ABI2: variants seen among roughly 807,000 people sequenced by gnomAD.
The protein encoded by ABI2 is abelson interactor 2.
In ABI2, 25 loss-of-function variants were observed where a neutral mutation model predicts 59.2. The ratio of observed to expected loss-of-function variants is 0.42; its 90% CI spans 0.31 to 0.59. The LOEUF (loss-of-function observed/expected upper bound fraction) is 0.59. Among genes scored for constraint, ABI2 ranks in the 20% least tolerant of loss-of-function variants. The pLI is 0.14. For synonymous variants in ABI2, 213 were observed against 235.5 expected, an observed-to-expected ratio of 0.90 and a Z score of 0.87; for missense variants, 545 against 681.8, an observed-to-expected ratio of 0.80 and a Z score of 2.23.
chr2:203,395,510 T>G, intron 6 of ABI2, 146 bp from the exon 7 acceptor site: 1 of 698,748 alleles, frequency 1.4e-6, no homozygotes, highest in Non-Finnish European at 2.1e-6. Context: ...GTCACTGACT[T>G]GGAGCTCAAG....
chr2:203,420,178 A>G (rs2098134191), intron 11 of ABI2, among the ~76,000 whole-genome samples: 1 of 152,226 alleles, frequency 6.6e-6, no homozygotes, highest in African/African-American at 2.4e-5. Flanking sequence ...GAGCTCTGGC[A>G]TCTGGCAGAC....
intron 9 of ABI2, among the ~76,000 whole-genome samples, chr2:203,408,833 C>CTTTTTT (rs1156536730): frequency 3.4e-5 from 3 of 87,212 alleles, no homozygotes; most frequent in Non-Finnish European, 4.8e-5. Flanking sequence ...CTTCTCCTTT[C>CTTTTTT]TTTTTTTTTT....
At chr2:203,342,120 GT>G in intron 1 of ABI2, 1 of 419,162 alleles carries the variant, frequency 2.4e-6, no homozygotes, top group Non-Finnish European at 4.8e-6. Context: ...GTAAATTTTT[GT>G]TGAGTAAAAT....
rs1416835058 is a variant in ABI2 at position 203,430,115 on chromosome 2, G to A, written c.*2763G>A. On this transcript the variant is annotated 3_prime_UTR_variant, in exon 12 of 12. Transcript: ENST00000261018. ...TGATGGGTCAGGCACACAGTAATTG[G>A]AGACTTTTAATGTATGTAATATTTC... 6.6e-6 allele frequency: 1 copy of A among 152,138 alleles called. No individual in the cohort carries two copies. Among genetic ancestry groups the A allele is most frequent in the Non-Finnish European group, 1.5e-5 (1 of 68,010 alleles). The allele number at this position is 152,138 out of a possible 1,614,324, so 9.4% of individuals were successfully genotyped here.
At chr2:203,392,319 A>C (rs1436869836) in intron 5 of ABI2, among the ~76,000 whole-genome samples, 3 of 97,658 alleles carry the variant, frequency 3.1e-5, no homozygotes, top group Non-Finnish European at 4.4e-5. Context: ...CACCACCAAC[A>C]ACAACAACAA....
rs1461875946 is a variant in ABI2, at chr2:203,429,425, A to C, written c.*2073A>C. 6.6e-6 allele frequency: 1 copy of C among 152,242 alleles called. No individual in the cohort carries two copies. Among genetic ancestry groups the C allele is most frequent in the African/African-American group, 2.4e-5 (1 of 41,456 alleles). The allele number at this position is 152,242 out of a possible 1,614,324, so 9.4% of individuals were successfully genotyped here. A position where few individuals can be genotyped will look rare whatever the true frequency, so the allele number is the denominator to read the frequency against. On this transcript the variant is annotated 3_prime_UTR_variant, in exon 12 of 12. Transcript: ENST00000261018. ...AAACAGCTTTTTGCTGAGAAAGCTT[A>C]GTGGATTAATGAGGCAGAGGGTGTT...
At position 203,367,006 on chromosome 2, in the gene ABI2, C is replaced by G; in HGVS notation, c.247C>G (p.Leu83Val). The change falls in exon 2 of 12, where the codon CTA becomes GTA. Residue 83 changes from leucine to valine, a missense_variant. By Grantham distance (32) the Leu-to-Val change is conservative. Transcript: ENST00000261018. ...LQMLDIQASQ[L>V]RRMESSINHI... ...GATGCTGGATATCCAGGCATCCCAG[C>G]TACGAAGGATGGAATCTTCAATCAA... The G allele has an allele frequency of 6.2e-7, 1 of 1,613,820 alleles. No homozygotes were observed. Among genetic ancestry groups the G allele is most frequent in the Non-Finnish European group, 8.5e-7 (1 of 1,179,860 alleles).
At chr2:203,348,361 A>C (rs1479583845) in intron 1 of ABI2, among the ~76,000 whole-genome samples, 2 of 152,234 alleles carry the variant, frequency 1.3e-5, no homozygotes, top group African/African-American at 4.8e-5. Context: ...TTCAAAACTC[A>C]GTGATCATTC....
chr2:203,369,465 C>T (rs2094894439), intron 2 of ABI2, among the ~76,000 whole-genome samples: 2 of 152,012 alleles, frequency 1.3e-5, no homozygotes, highest in Non-Finnish European at 2.9e-5. Flanking sequence ...TGTTAGCAAG[C>T]TCAAGGAGGA....
chr2:203,340,934 G>T (rs921802188), intron 1 of ABI2, among the ~76,000 whole-genome samples: 3 of 151,734 alleles, frequency 2.0e-5, no homozygotes, highest in African/African-American at 4.8e-5. Context: ...ACCCTTCTTT[G>T]TTCACTCAAC....
chr2:203,360,137 A>G (rs1312487938), intron 1 of ABI2, among the ~76,000 whole-genome samples: 6 of 139,418 alleles, frequency 4.3e-5, no homozygotes, highest in Middle Eastern at 3.8e-3. Context: ...GGGAGCTAAG[A>G]TTGCACCACT....
At chr2:203,345,048 C>T (rs767888667) in intron 1 of ABI2, among the ~76,000 whole-genome samples, 2 of 152,188 alleles carry the variant, frequency 1.3e-5, no homozygotes, top group Non-Finnish European at 2.9e-5. Flanking sequence ...CCCGCAGTGG[C>T]AACCCGCCGG....
chr2:203,334,338 T>C (rs2075439556), intron 1 of ABI2, among the ~76,000 whole-genome samples: 1 of 152,208 alleles, frequency 6.6e-6, no homozygotes, highest in Non-Finnish European at 1.5e-5. Flanking sequence ...GAGAATAATA[T>C]ATAAACCAAA....
At chr2:203,418,886 T>C (rs2098039283) in intron 11 of ABI2, among the ~76,000 whole-genome samples, 1 of 152,114 alleles carries the variant, frequency 6.6e-6, no homozygotes, top group Non-Finnish European at 1.5e-5. Context: ...CCAAGGCACA[T>C]CATAATCAAT....
chr2:203,398,928 C>A (rs1579316893), intron 8 of ABI2, among the ~76,000 whole-genome samples: 1 of 151,998 alleles, frequency 6.6e-6, no homozygotes, highest in Admixed American at 6.6e-5. Context: ...GGGGATGTAC[C>A]ACAATTTGTT....
intron 1 of ABI2, chr2:203,342,261 G>A: frequency 2.2e-6 from 1 of 445,562 alleles, no homozygotes; most frequent in Non-Finnish European, 4.5e-6. Flanking sequence ...GTCCAGTTCT[G>A]TTACCATTTT....
chr2:203,385,216 C>A (rs1035520894), intron 4 of ABI2, among the ~76,000 whole-genome samples: 16 of 147,078 alleles, frequency 1.1e-4, no homozygotes, highest in Non-Finnish European at 1.9e-4. Flanking sequence ...CTGCAGGCTC[C>A]ACCTCCCAGG....
At chr2:203,384,911 T>C (rs988728125) in intron 4 of ABI2, among the ~76,000 whole-genome samples, 6 of 151,660 alleles carry the variant, frequency 4.0e-5, no homozygotes, top group African/African-American at 1.5e-4. Context: ...CTTGGCTCAC[T>C]GCAACCTCCG....
intron 4 of ABI2, among the ~76,000 whole-genome samples, chr2:203,385,939 T>A (rs1029608384): frequency 3.9e-5 from 6 of 152,228 alleles, no homozygotes; most frequent in African/African-American, 1.4e-4. Context: ...GACTCTTGAC[T>A]CGATAGGCTT....
Sources: allele counts gnomAD v4.1 joint callset (sites outside exome capture counted in the v4.1 genomes callset), GRCh38; gene constraint gnomAD v4.1.1; transcripts MANE v1.5; gene names NCBI Gene and HGNC (gene_info 2026-07-23, HGNC 2026-07-21).